GPR4: variants seen among roughly 807,000 people sequenced by gnomAD.
GPR4 encodes the protein G-prodeshotein coupled receptor 4.
A neutral mutation model predicts 17.8 loss-of-function variants in GPR4; 11 were observed. That is an observed-to-expected ratio of 0.62 (90% CI 0.39 to 1.02). GPR4 has a LOEUF of 1.02. Ranked by LOEUF, GPR4 falls within the 50% of genes least tolerant of loss-of-function variation. GPR4 has a pLI of 0.00. For missense variants in GPR4, 364 were observed against 495.4 expected (o/e 0.73, Z 2.52); for synonymous variants, 219 against 222.8 (o/e 0.98, Z 0.15).
At position 45,590,705 on chromosome 19, in the gene GPR4, G is replaced by A; in HGVS notation, c.*73C>T. 6.7e-7 allele frequency: 1 copy of A among 1,487,962 alleles called. No individual in the cohort carries two copies. The highest frequency in any genetic ancestry group is 1.3e-5 in the South Asian group (1 of 74,380). 92.2% of individuals were successfully genotyped at this position (1,487,962 alleles called of 1,614,324 possible). ...ACACAGCCCTTTTTCCATACAATTT[G>A]CATACACCAGACCAGGAGAGAAGGG... On this transcript the variant is annotated 3_prime_UTR_variant, in exon 2 of 2. Transcript: ENST00000323040.
At chr19:45,595,964 C>T (rs1600023170) in intron 1 of GPR4, among the ~76,000 whole-genome samples, 1 of 152,110 alleles carries the variant, frequency 6.6e-6, no homozygotes, top group African/African-American at 2.4e-5. Context: ...TCCATGGGAG[C>T]CTCCCAGATG....
Position 45,590,753 on chromosome 19 carries a change from C to G in GPR4, c.*25G>C, listed in dbSNP as rs374422009. 6.5e-7 allele frequency: 1 copy of G among 1,538,004 alleles called. No homozygotes were observed. Among genetic ancestry groups the G allele is most frequent in the South Asian group, 1.3e-5 (1 of 78,740 alleles). On this transcript the variant is annotated 3_prime_UTR_variant, in exon 2 of 2. Transcript: ENST00000323040. ...GGGACTGTGGGATGAGAGGGGAAAA[C>G]TGGGGATTCTGTGCCACTCGGGGTT...
chr19:45,593,473 T>C (rs1401628956), intron 1 of GPR4, among the ~76,000 whole-genome samples: 1 of 136,246 alleles, frequency 7.3e-6, no homozygotes, highest in African/African-American at 2.8e-5. Flanking sequence ...CACTCCAGCC[T>C]GGGCAAAAGA....
chr19:45,596,839 G>T (rs1228300402), intron 1 of GPR4, among the ~76,000 whole-genome samples: 1 of 151,584 alleles, frequency 6.6e-6, no homozygotes, highest in African/African-American at 2.4e-5. Flanking sequence ...GCCACCACAT[G>T]CAGCCTAGTT....
rs1969979647 is a variant in GPR4, at chr19:45,590,658, T to G, written c.*120A>C. On this transcript the variant is annotated 3_prime_UTR_variant, in exon 2 of 2. Transcript: ENST00000323040. ...CACACCAACCTCACTCTTCCTAAGT[T>G]CTTGTATTCTTATGAATATTAACAC... is the stretch of plus-strand genomic sequence containing the variant. The G allele has an allele frequency of 7.9e-7, 1 of 1,269,642 alleles. No individual in the cohort carries two copies. The highest frequency in any genetic ancestry group is 1.1e-6 in the Non-Finnish European group (1 of 928,562). The allele number at this position is 1,269,642 out of a possible 1,614,324, so 78.6% of individuals were successfully genotyped here. A position where few individuals can be genotyped will look rare whatever the true frequency, so the allele number is the denominator to read the frequency against.
At chr19:45,594,063 AATATATATAT>A (rs1186316579) in intron 1 of GPR4, among the ~76,000 whole-genome samples, 11 of 36,240 alleles carry the variant, frequency 3.0e-4, no homozygotes, top group Admixed American at 1.4e-3. Context: ...AAAAAAAAAA[AATATATATAT>A]ATATATATAT....
In GPR4 at chr19:45,591,642, G is replaced by T; in HGVS notation, c.225C>A (p.Asp75Glu). ...LYICTLPLWV[D>E]YFLHHDNWIH... ...TCCAGTTGTCGTGGTGCAGGAAGTAGTCCACCCACAGCGGCAGCGTGCAGA... is the reference window on the plus strand; with the variant it reads ...TCCAGTTGTCGTGGTGCAGGAAGTATTCCACCCACAGCGGCAGCGTGCAGA... Residue 75 changes from aspartate to glutamate, a missense_variant, in exon 2 of 2, where the codon GAC (aspartate) becomes GAA (glutamate). Physicochemically the swap from Asp to Glu is conservative, Grantham distance 45. This residue lies in a region of GPR4 where 271 missense variants were observed against 373.1 expected (regional missense o/e 0.73). Transcript: ENST00000323040. This position sits in a 1 kb window ranked among gnomAD's most constrained non-coding sequence, Gnocchi z 7.6. The T allele has an allele frequency of 6.2e-7, 1 of 1,614,140 alleles. No individual in the cohort carries two copies. Among genetic ancestry groups the T allele is most frequent in the Non-Finnish European group, 8.5e-7 (1 of 1,179,996 alleles).
intron 1 of GPR4, among the ~76,000 whole-genome samples, chr19:45,598,528 C>G (rs1163158920): frequency 6.6e-6 from 1 of 152,158 alleles, no homozygotes; most frequent in Non-Finnish European, 1.5e-5. Context: ...TCCTCCCCAA[C>G]CTGCTGGCAT....
rs1970027434 is a variant in GPR4, at chr19:45,594,057, AAAAAAAATATATATATAT to A, written c.-831-1378_-831-1361del. ...CACCATGCCTGGCTTAAAAAAAAAAAAAAAAAATATATATATATATATATATATATATATATAAAATAG... is the reference window on the plus strand; with the variant it reads ...CACCATGCCTGGCTTAAAAAAAAAAAATATATATATATATATATAAAATAG... On this transcript the variant is annotated intron_variant, in intron 1 of 1. Coordinates refer to ENST00000323040, the MANE Select transcript of GPR4 (RefSeq NM_005282.3). Among the ~76,000 whole-genome samples, 6 of 36,196 alleles carry A rather than the reference AAAAAAAATATATATATAT, an allele frequency of 1.7e-4. No individual in the cohort carries two copies. The South Asian group carries it at 7.1e-3, about 43-fold the overall frequency. 23.7% of individuals were successfully genotyped at this position (36,196 alleles called of 152,430 possible). A position where few individuals can be genotyped will look rare whatever the true frequency, so the allele number is the denominator to read the frequency against.
Position 45,591,189 on chromosome 19 carries a change from G to A in GPR4, c.678C>T (p.Ala226=). The A allele has an allele frequency of 6.2e-7, 1 of 1,613,500 alleles. No homozygotes were observed. The highest frequency in any genetic ancestry group is 8.5e-7 in the Non-Finnish European group (1 of 1,179,988). ...CCAGCACGATGGCGATGAGGCTGAG[G>A]GCCAGCCGCTTGATCTTGGCCTTCT... The part of the protein sequence containing the change: ...RQEKAKIKRL[A]LSLIAIVLVC... The change falls in exon 2 of 2, where the codon GCC becomes GCT. Residue 226 remains alanine, a synonymous_variant. Transcript: ENST00000323040. This position sits in a 1 kb window ranked among gnomAD's most constrained non-coding sequence, Gnocchi z 7.6.
At chr19:45,597,883 C>T (rs549517416) in intron 1 of GPR4, among the ~76,000 whole-genome samples, 9 of 152,164 alleles carry the variant, frequency 5.9e-5, no homozygotes, top group Admixed American at 5.2e-4. Flanking sequence ...GTAAGTCCTG[C>T]CCCCTGTGGG....
chr19:45,600,790 A>G (rs1030336584), intron 1 of GPR4, among the ~76,000 whole-genome samples: 4 of 152,186 alleles, frequency 2.6e-5, no homozygotes, highest in African/African-American at 9.7e-5. Flanking sequence ...AAACGTGCCA[A>G]GATTTCAACA....
rs146765083 is a variant in GPR4, at chr19:45,595,300, T to A, written c.-831-2603A>T. Among the ~76,000 whole-genome samples the A allele has an allele frequency of 8.6e-4, 117 of 135,594 alleles. 4 individuals are homozygous for A. The East Asian group carries it at 0.023, about 27-fold the overall frequency. 89.0% of individuals were successfully genotyped at this position (135,594 alleles called of 152,430 possible). On this transcript the variant is annotated intron_variant, in intron 1 of 1. Coordinates refer to ENST00000323040, the MANE Select transcript of GPR4 (RefSeq NM_005282.3). ...CTAAATAAATAAATAAATAAATAAA[T>A]AAATAAATAAATAAATAAAAAATAA... is the stretch of plus-strand genomic sequence containing the variant.
chr19:45,601,503 C>T (rs1393541376), intron 1 of GPR4, among the ~76,000 whole-genome samples: 4 of 152,096 alleles, frequency 2.6e-5, no homozygotes, highest in Non-Finnish European at 4.4e-5. Context: ...CCCCAGGTCA[C>T]AAGCCTCCTG....
intron 1 of GPR4, among the ~76,000 whole-genome samples, chr19:45,597,810 G>A (rs1970072762): frequency 6.6e-6 from 1 of 152,098 alleles, no homozygotes; most frequent in Non-Finnish European, 1.5e-5. Flanking sequence ...GGGGAGAGCT[G>A]GAAAGGGCAA....
At chr19:45,594,120 G>T (rs1277268049) in intron 1 of GPR4, among the ~76,000 whole-genome samples, 2 of 117,816 alleles carry the variant, frequency 1.7e-5, no homozygotes, top group Non-Finnish European at 3.4e-5. Flanking sequence ...TTCCTGTGTT[G>T]CCCAGGCTGG....
chr19:45,595,918 G>A (rs888363771), intron 1 of GPR4, among the ~76,000 whole-genome samples: 6 of 152,304 alleles, frequency 3.9e-5, no homozygotes, highest in African/African-American at 1.4e-4. Flanking sequence ...ATTGACAAAT[G>A]AGGAAACCAA....
chr19:45,596,088 G>A (rs1224661075), intron 1 of GPR4, among the ~76,000 whole-genome samples: 5 of 152,108 alleles, frequency 3.3e-5, no homozygotes, highest in African/African-American at 1.2e-4. Context: ...CAGCATCAGC[G>A]TCATCACTCG....
chr19:45,591,868 G>A lies in GPR4; in HGVS notation c.-2C>T, dbSNP rs368764836. ...GCCCTCCCACGTGTGGTTGCCCATG[G>A]TGGGCACTTCGGCTTCTGGGGCGCT... is the stretch of plus-strand genomic sequence containing the variant. On this transcript the variant is annotated 5_prime_UTR_variant, in exon 2 of 2. Transcript: ENST00000323040. The surrounding 1 kb of genome is among the most constrained non-coding windows in gnomAD (Gnocchi z 7.6). 6.5e-7 allele frequency: 1 copy of A among 1,549,062 alleles called. No homozygotes were observed. The highest frequency in any genetic ancestry group is 2.3e-5 in the East Asian group (1 of 44,020).
Sources: gnomAD v4.1 joint callset for allele counts (sites outside exome capture counted in the v4.1 genomes callset) on GRCh38, gnomAD v4.1.1 for gene constraint, gnomAD v4.1.1 regional missense constraint, Gnocchi (gnomAD v3.1) non-coding constraint, MANE v1.5 for transcripts, NCBI Gene and HGNC (gene_info 2026-07-23, HGNC 2026-07-21) for gene names.